GPC6: variants seen among roughly 807,000 people sequenced by gnomAD.
GPC6 encodes the protein glypican-6.
A neutral mutation model predicts 55.2 loss-of-function variants in GPC6; 14 were observed. That is an observed-to-expected ratio of 0.25 (90% CI 0.17 to 0.40). GPC6 has a LOEUF of 0.40. GPC6 is among the 10% of genes least tolerant of loss of function. The pLI is 1.00. For missense variants in GPC6, 641 were observed against 708.5 expected (o/e 0.90, Z 1.08); for synonymous variants, 278 against 259.6 (o/e 1.07, Z -0.68).
intron 1 of GPC6, among the ~76,000 whole-genome samples, chr13:93,298,530 G>T (rs917520311): frequency 2.6e-5 from 4 of 152,126 alleles, no homozygotes; most frequent in African/African-American, 9.7e-5. Flanking sequence ...GACTTCCTGG[G>T]CTTAAGCGAT....
chr13:94,084,584 GA>G (rs1885216408), intron 4 of GPC6, among the ~76,000 whole-genome samples: 1 of 38,134 alleles, frequency 2.6e-5, no homozygotes, highest in Admixed American at 2.4e-4. Context: ...CACTATTTGT[GA>G]TAAAAAAAAA....
chr13:94,133,824 G>C (rs1887090746), intron 4 of GPC6, among the ~76,000 whole-genome samples: 1 of 151,994 alleles, frequency 6.6e-6, no homozygotes, highest in Admixed American at 6.6e-5. Context: ...CCAGATTTGA[G>C]CCATAAATGG....
chr13:93,945,874 C>T (rs1878984038), intron 3 of GPC6, among the ~76,000 whole-genome samples: 1 of 152,150 alleles, frequency 6.6e-6, no homozygotes, highest in African/African-American at 2.4e-5. Flanking sequence ...TAATGGGTAG[C>T]AACAAGATGT....
At chr13:93,276,749 G>A (rs1030984918) in intron 1 of GPC6, among the ~76,000 whole-genome samples, 1 of 152,156 alleles carries the variant, frequency 6.6e-6, no homozygotes, top group Non-Finnish European at 1.5e-5. Context: ...TACCTGGGAT[G>A]TGTGGGGCCT....
At chr13:93,296,511 C>T (rs564006526) in intron 1 of GPC6, among the ~76,000 whole-genome samples, 2 of 152,002 alleles carry the variant, frequency 1.3e-5, no homozygotes, top group African/African-American at 4.8e-5. Context: ...CCTCCTGTAC[C>T]TGATGTTCTT....
At chr13:94,379,848 G>C (rs1353574005) in intron 6 of GPC6, among the ~76,000 whole-genome samples, 1 of 152,132 alleles carries the variant, frequency 6.6e-6, no homozygotes, top group African/African-American at 2.4e-5. Flanking sequence ...CCAACAAAAA[G>C]CATGTTGTCT....
At position 93,716,422 on chromosome 13, in the gene GPC6, A is replaced by T. The variant is rs541960575; in HGVS notation, c.320-113732A>T. On this transcript the variant is annotated intron_variant, in intron 2 of 8. Coordinates refer to ENST00000377047, the MANE Select transcript of GPC6 (RefSeq NM_005708.5). ...CAAGATGTGGAAGTGGAGGACAGTG[A>T]TATTGATAATTCTGACCAGGTGTAG... Among the ~76,000 whole-genome samples, 80 of 151,596 alleles carry T rather than the reference A, an allele frequency of 5.3e-4. 1 individual carries two copies. The highest frequency in any genetic ancestry group is 3.4e-3 in the Middle Eastern group (1 of 294).
intron 4 of GPC6, among the ~76,000 whole-genome samples, chr13:94,222,146 A>C (rs1890404651): frequency 6.6e-6 from 1 of 152,062 alleles, no homozygotes; most frequent in Non-Finnish European, 1.5e-5. Context: ...GAACATGTGA[A>C]AGGCTTGGAG....
intron 3 of GPC6, among the ~76,000 whole-genome samples, chr13:93,953,678 G>C (rs1034987256): frequency 6.6e-6 from 1 of 152,134 alleles, no homozygotes; most frequent in African/African-American, 2.4e-5. Flanking sequence ...GAGGTAGATA[G>C]AACCATAAGT....
intron 2 of GPC6, among the ~76,000 whole-genome samples, chr13:93,813,191 A>T (rs1489825772): frequency 6.6e-6 from 1 of 152,160 alleles, no homozygotes. Context: ...AAAAAATGGA[A>T]TGATTCATAA....
intron 3 of GPC6, among the ~76,000 whole-genome samples, chr13:93,877,218 A>G (rs946882807): frequency 6.6e-6 from 1 of 152,068 alleles, no homozygotes; most frequent in African/African-American, 2.4e-5. Context: ...AGAAGAATTT[A>G]TTATACTACT....
chr13:94,282,562 G>C (rs1432351837), intron 4 of GPC6, among the ~76,000 whole-genome samples: 2 of 152,186 alleles, frequency 1.3e-5, no homozygotes, highest in African/African-American at 4.8e-5. Flanking sequence ...AGAAATTCAG[G>C]CAAGGCTCAA....
chr13:94,165,487 T>C (rs1888336722), intron 4 of GPC6, among the ~76,000 whole-genome samples: 1 of 151,862 alleles, frequency 6.6e-6, no homozygotes, highest in South Asian at 2.1e-4. Context: ...CTTTGGGGAC[T>C]CAGGGGAAAT....
chr13:93,737,654 A>T (rs1302700917), intron 2 of GPC6, among the ~76,000 whole-genome samples: 1 of 152,110 alleles, frequency 6.6e-6, no homozygotes, highest in Non-Finnish European at 1.5e-5. Flanking sequence ...TCTGTGAAAA[A>T]ATATGTTTCT....
chr13:93,300,769 C>T lies in GPC6; in HGVS notation c.160+73153C>T, dbSNP rs566938503. On this transcript the variant is annotated intron_variant, in intron 1 of 8. Coordinates refer to ENST00000377047, the MANE Select transcript of GPC6 (RefSeq NM_005708.5). ...GCATGGTGGCTCATGCCTGTAATCC[C>T]AGCACTTTGGGAGGCCAACGCAGGA... Among the ~76,000 whole-genome samples the T allele has an allele frequency of 1.2e-3, 179 of 152,232 alleles. 4 individuals carry two copies. Among genetic ancestry groups the T allele is most frequent in the Admixed American group, 2.3e-3 (35 of 15,296 alleles).
chr13:93,626,572 T>A (rs1879208022), intron 2 of GPC6, among the ~76,000 whole-genome samples: 1 of 151,950 alleles, frequency 6.6e-6, no homozygotes, highest in African/African-American at 2.4e-5. Flanking sequence ...GAGGTGGAGG[T>A]GGGTGGATCA....
intron 4 of GPC6, among the ~76,000 whole-genome samples, chr13:94,162,491 G>C (rs539405736): frequency 6.6e-6 from 1 of 152,290 alleles, no homozygotes; most frequent in East Asian, 1.9e-4. Context: ...ACACTCAGTG[G>C]CTGGGGCTTG....
chr13:93,466,372 T>C (rs1370521193), intron 1 of GPC6, among the ~76,000 whole-genome samples: 4 of 152,246 alleles, frequency 2.6e-5, no homozygotes, highest in Non-Finnish European at 5.9e-5. Flanking sequence ...TTTACTCATT[T>C]TTTAACAGTC....
At chr13:94,302,395 G>C (rs541582491) in intron 5 of GPC6, among the ~76,000 whole-genome samples, 26 of 152,096 alleles carry the variant, frequency 1.7e-4, no homozygotes, top group Non-Finnish European at 3.1e-4. Context: ...CTATTCTTGA[G>C]GGTAGAGCCT....
Sources: allele counts gnomAD v4.1 joint callset (sites outside exome capture counted in the v4.1 genomes callset), GRCh38; gene constraint gnomAD v4.1.1; transcripts MANE v1.5; gene names NCBI Gene and HGNC (gene_info 2026-07-23, HGNC 2026-07-21).